The following DIAPH2 variants were observed in gnomAD, a reference collection of about 807,000 sequenced individuals.
The protein encoded by DIAPH2 is diaphanous related formin 2, also known as protein diaphanous homolog 2.
A neutral mutation model predicts 92.7 loss-of-function variants in DIAPH2; 35 were observed. The observed-to-expected ratio is 0.38, with a 90% CI of 0.29 to 0.50. DIAPH2 has a LOEUF of 0.50. Among genes scored for constraint, DIAPH2 ranks in the 20% least tolerant of loss-of-function variants. DIAPH2 has a pLI of 0.94. For synonymous variants in DIAPH2, 301 were observed against 280.4 expected (o/e 1.07, Z -0.73); for missense variants, 701 against 819.5 (o/e 0.86, Z 1.77).
chrX:97,450,658 T>C (rs1470802598), intron 26 of DIAPH2, among the ~76,000 whole-genome samples: 1 of 111,385 alleles, frequency 9.0e-6, no homozygotes, highest in East Asian at 2.8e-4. Flanking sequence ...GCATAGACTC[T>C]TTTCTTTCTC....
intron 4 of DIAPH2, among the ~76,000 whole-genome samples, chrX:96,869,557 C>CACCACTACT (rs756921879): frequency 3.1e-5 from 3 of 97,922 alleles, no homozygotes; most frequent in East Asian, 3.3e-4. Context: ...CTACTACTAC[C>CACCACTACT]ACTACTACTA....
intron 23 of DIAPH2, among the ~76,000 whole-genome samples, chrX:97,287,722 T>TA (rs2068554428): frequency 2.0e-5 from 2 of 100,797 alleles, no homozygotes; most frequent in African/African-American, 3.7e-5. Context: ...AGTCAATTAT[T>TA]TAAAAAAAAA....
At position 97,157,052 on chromosome X, in the gene DIAPH2, C is replaced by T. The variant is rs1214259625; in HGVS notation, c.2719+15258C>T. Among the ~76,000 whole-genome samples, 3 of 111,232 alleles carry T rather than the reference C, an allele frequency of 2.7e-5. No homozygotes were observed. In the Admixed American group the frequency reaches 2.9e-4, roughly 11 times the overall value. ...TTTACTGGCCGGGCGCGGTGGCTCACGCCTGTAATCCCAGCACTTTGGGAG... is the reference window on the plus strand; with the variant it reads ...TTTACTGGCCGGGCGCGGTGGCTCATGCCTGTAATCCCAGCACTTTGGGAG... On this transcript the variant is annotated intron_variant, in intron 22 of 26. Transcript: ENST00000324765.
intron 5 of DIAPH2, among the ~76,000 whole-genome samples, chrX:96,882,345 G>A (rs1436592091): frequency 9.1e-6 from 1 of 110,372 alleles, no homozygotes; most frequent in African/African-American, 3.3e-5. Flanking sequence ...CACCGCGCCC[G>A]GCCGATTTTA....
intron 15 of DIAPH2, among the ~76,000 whole-genome samples, chrX:96,949,774 G>A (rs1037171900): frequency 9.4e-6 from 1 of 106,425 alleles, no homozygotes; most frequent in East Asian, 2.9e-4. Context: ...GCAGGAGAAT[G>A]GTGTGAAACC....
At chrX:97,207,545 A>G (rs1303682160) in intron 22 of DIAPH2, among the ~76,000 whole-genome samples, 1 of 111,380 alleles carries the variant, frequency 9.0e-6, no homozygotes, top group Non-Finnish European at 1.9e-5. Context: ...GAACCATCCA[A>G]TTTTAGAGAT....
chrX:97,485,705 A>G (rs1318027138), intron 26 of DIAPH2, among the ~76,000 whole-genome samples: 7 of 112,736 alleles, frequency 6.2e-5, no homozygotes, highest in African/African-American at 2.3e-4. Context: ...TGAAGCTCCA[A>G]TTCCCTGATC....
At chrX:97,440,344 C>T (rs2070240880) in intron 26 of DIAPH2, among the ~76,000 whole-genome samples, 1 of 111,316 alleles carries the variant, frequency 9.0e-6, no homozygotes, top group South Asian at 3.8e-4. Flanking sequence ...GTAATCCCAG[C>T]ACTTTGGGAG....
At chrX:97,457,243 A>G (rs1198228739) in intron 26 of DIAPH2, among the ~76,000 whole-genome samples, 2 of 110,883 alleles carry the variant, frequency 1.8e-5, no homozygotes, top group African/African-American at 6.6e-5. Context: ...CTGTTCTCCA[A>G]CTCCTGAGCT....
chrX:97,101,354 T>C (rs1277465213), intron 20 of DIAPH2, among the ~76,000 whole-genome samples: 2 of 111,103 alleles, frequency 1.8e-5, no homozygotes, highest in Non-Finnish European at 3.8e-5. Flanking sequence ...GAAATGAAGT[T>C]TGGGGACGTA....
intron 23 of DIAPH2, among the ~76,000 whole-genome samples, chrX:97,310,421 G>A (rs1435798326): frequency 8.9e-6 from 1 of 111,842 alleles, no homozygotes; most frequent in Non-Finnish European, 1.9e-5. Flanking sequence ...AGTGAAGAGG[G>A]AGTTTGGTGG....
intron 15 of DIAPH2, among the ~76,000 whole-genome samples, chrX:96,952,768 A>T (rs1054698388): frequency 2.7e-5 from 3 of 110,699 alleles, no homozygotes; most frequent in African/African-American, 9.9e-5. Context: ...AAATAAATGA[A>T]AAAGGTATTT....
rs1052514315 is a variant in DIAPH2, at chrX:96,858,655, G to A, written c.448-22924G>A. On this transcript the variant is annotated intron_variant, in intron 4 of 26. Transcript: ENST00000324765. ...TCAGGTTCCTGGCCCAGCAAGGGACGTTTACCCTAAGTACCTGGGACTCAA... is the reference window on the plus strand; with the variant it reads ...TCAGGTTCCTGGCCCAGCAAGGGACATTTACCCTAAGTACCTGGGACTCAA... 7.1e-5 allele frequency among the ~76,000 whole-genome samples: 8 copies of A among 111,920 alleles called. No homozygotes were observed. The East Asian group carries it at 8.4e-4, about 12-fold the overall frequency.
chrX:97,388,778 T>C (rs2069625440), intron 25 of DIAPH2, among the ~76,000 whole-genome samples: 1 of 111,677 alleles, frequency 9.0e-6, no homozygotes, highest in Admixed American at 9.5e-5. Context: ...AAATTATCGA[T>C]TGATTCAATT....
intron 17 of DIAPH2, among the ~76,000 whole-genome samples, chrX:97,043,441 G>A (rs1484360378): frequency 9.0e-6 from 1 of 110,616 alleles, no homozygotes; most frequent in South Asian, 3.8e-4. Flanking sequence ...ATATCCTGGG[G>A]GGGATGTACA....
rs149595440 is a variant in DIAPH2 at position 96,723,916 on chromosome X, A to ATT, written c.133-11818_133-11817dup. Reference sequence around the variant, plus strand: ...GTAACCCCATAAGAGTGATTCTATAATTTTTTTTTTTTTTTTTTTTTTTTT... The same window carrying ATT: ...GTAACCCCATAAGAGTGATTCTATAATTTTTTTTTTTTTTTTTTTTTTTTTTT... On this transcript the variant is annotated intron_variant, in intron 1 of 26. Transcript: ENST00000324765. Among the ~76,000 whole-genome samples, 695 of 71,125 alleles carry ATT rather than the reference A, an allele frequency of 9.8e-3. 10 individuals carry two copies. The highest frequency in any genetic ancestry group is 0.024 in the African/African-American group (416 of 17,409). 61.8% of individuals were successfully genotyped at this position (71,125 alleles called of 115,157 possible). A position where few individuals can be genotyped will look rare whatever the true frequency, so the allele number is the denominator to read the frequency against.
rs1177510290 is a variant in DIAPH2, at chrX:96,975,719, T to G, written c.2050+10512T>G. ...AAGATCAAAATACTGGTATATTTGGTGTCTTTTGAGGGCCTACTTTCTGGA... is the reference window on the plus strand; with the variant it reads ...AAGATCAAAATACTGGTATATTTGGGGTCTTTTGAGGGCCTACTTTCTGGA... On this transcript the variant is annotated intron_variant, in intron 17 of 26. Transcript: ENST00000324765. Among the ~76,000 whole-genome samples, 3 of 111,618 alleles carry G rather than the reference T, an allele frequency of 2.7e-5. No homozygotes were observed. The East Asian group carries it at 8.5e-4, about 32-fold the overall frequency.
At chrX:97,123,850 G>C (rs2067073923) in intron 21 of DIAPH2, among the ~76,000 whole-genome samples, 1 of 112,676 alleles carries the variant, frequency 8.9e-6, no homozygotes, top group East Asian at 2.8e-4. Context: ...TAGCAAGTCA[G>C]TGCTTTATCC....
chrX:96,777,243 T>C (rs1020840200), intron 4 of DIAPH2, among the ~76,000 whole-genome samples: 1 of 112,033 alleles, frequency 8.9e-6, no homozygotes, highest in African/African-American at 3.2e-5. Flanking sequence ...CATTTTTATG[T>C]GTTTTGCTGG....
Sources: gnomAD v4.1 joint callset for allele counts (sites outside exome capture counted in the v4.1 genomes callset) on GRCh38, gnomAD v4.1.1 for gene constraint, MANE v1.5 for transcripts, NCBI Gene and HGNC (gene_info 2026-07-23, HGNC 2026-07-21) for gene names.